The following LACTB variants were observed in gnomAD, a reference collection of about 807,000 sequenced individuals.
LACTB encodes the protein lactamase beta.
Under a neutral mutation model 50.2 loss-of-function variants are expected in LACTB, and 35 were observed. The ratio of observed to expected loss-of-function variants is 0.70; its 90% CI spans 0.53 to 0.92. LACTB has a LOEUF of 0.92. LACTB is among the 40% of genes least tolerant of loss of function. The pLI, the probability that LACTB is intolerant of heterozygous loss-of-function variation, is 0.00. For missense variants in LACTB, 664 were observed against 691.8 expected, an observed-to-expected ratio of 0.96 and a Z score of 0.45; for synonymous variants, 252 against 268.2, an observed-to-expected ratio of 0.94 and a Z score of 0.59.
intron 5 of LACTB, among the ~76,000 whole-genome samples, chr15:63,139,979 C>A (rs1316088280): frequency 6.6e-6 from 1 of 151,414 alleles, no homozygotes; most frequent in South Asian, 2.1e-4. Context: ...TGGTGGTACA[C>A]ACCTGTGGTC....
In LACTB at chr15:63,122,016, G is replaced by T; in HGVS notation, c.145G>T (p.Gly49Trp). The change falls in exon 1 of 6, where the codon GGG (glycine) becomes TGG (tryptophan). Residue 49 changes from glycine to tryptophan, a missense_variant. Transcript: ENST00000261893. ...GGTCGGGGGCCTCGGGCTGGGGCTG[G>T]GGCTGGCGCTCGGGGTGAAGCTGGC... is the stretch of plus-strand genomic sequence containing the variant. ...GWVGGLGLGL[G>W]LALGVKLAGG... The T allele has an allele frequency of 7.2e-7, 1 of 1,397,490 alleles. No homozygotes were observed. The highest frequency in any genetic ancestry group is 9.2e-7 in the Non-Finnish European group (1 of 1,085,124). 86.6% of individuals were successfully genotyped at this position (1,397,490 alleles called of 1,614,324 possible). A position where few individuals can be genotyped will look rare whatever the true frequency, so the allele number is the denominator to read the frequency against.
intron 4 of LACTB, 155 bp from the exon 5 acceptor site, chr15:63,129,330 A>G (rs574200404): frequency 8.8e-6 from 5 of 565,844 alleles, no homozygotes; most frequent in African/African-American, 1.9e-5. Flanking sequence ...AGTTAACTCA[A>G]TTTGTTGATG....
intron 5 of LACTB, among the ~76,000 whole-genome samples, chr15:63,132,604 G>C (rs1160568443): frequency 6.6e-6 from 1 of 152,062 alleles, no homozygotes; most frequent in African/African-American, 2.4e-5. Context: ...GATTGTCTGA[G>C]CTCAGGAGAT....
chr15:63,121,996 G>T lies in LACTB; in HGVS notation c.125G>T (p.Gly42Val). 1 of 1,369,102 alleles carries T rather than the reference G, an allele frequency of 7.3e-7. No individual in the cohort carries two copies. Among genetic ancestry groups the T allele is most frequent in the Non-Finnish European group, 9.3e-7 (1 of 1,069,626 alleles). The allele number at this position is 1,369,102 out of a possible 1,614,324, so 84.8% of individuals were successfully genotyped here. The change falls in exon 1 of 6, where the codon GGG (glycine) becomes GTG (valine). Residue 42 changes from glycine (G) to valine (V), a missense_variant. By Grantham distance (109) the Gly-to-Val change is moderately radical. Coordinates refer to ENST00000261893, the MANE Select transcript of LACTB (RefSeq NM_032857.5). The stretch of plus-strand genomic sequence containing the variant: ...CCGCCTCTCGGCCACGGCTGGGTCG[G>T]GGGCCTCGGGCTGGGGCTGGGGCTG... ...GLPPLGHGWVGGLGLGLGLAL... is the reference protein window; with the variant it reads ...GLPPLGHGWVVGLGLGLGLAL...
intron 1 of LACTB, 179 bp from the exon 2 acceptor site, chr15:63,122,457 G>A (rs1322119308): frequency 1.0e-5 from 7 of 701,894 alleles, no homozygotes; most frequent in Non-Finnish European, 1.7e-5. Context: ...CCCCTAGGGG[G>A]CGGACAGGCA....
At chr15:63,122,313 G>C in intron 1 of LACTB, 85 bp downstream of exon 1, 1 of 1,169,676 alleles carries the variant, frequency 8.5e-7, no homozygotes, top group Non-Finnish European at 1.2e-6. Flanking sequence ...GACCCCACCC[G>C]GGGCGGCGGG....
intron 2 of LACTB, chr15:63,126,016 T>C (rs1157364133): frequency 6.6e-6 from 1 of 152,134 alleles, no homozygotes; most frequent in Non-Finnish European, 1.5e-5. Context: ...TTACGCACTT[T>C]CAGCCTGTGA....
rs1211288563 is a variant in LACTB, at chr15:63,122,679, A to T, written c.401A>T (p.Asp134Val). Residue 134 changes from aspartate (D) to valine (V), a missense_variant, in exon 2 of 6, where the codon GAT (aspartate) becomes GTT (valine). Asp to Val is a radical substitution (Grantham distance 152). Coordinates refer to ENST00000261893, the MANE Select transcript of LACTB (RefSeq NM_032857.5). ...APGIVVGVSV[D>V]GKEVWSEGLG... is the part of the protein sequence containing the mutation. ...GGCATAGTGGTTGGAGTTTCTGTAG[A>T]TGGAAAAGAAGTCTGGTCAGAAGGT... The T allele has an allele frequency of 8.7e-6, 14 of 1,613,716 alleles. No homozygotes were observed. The South Asian group carries it at 1.5e-4, about 18-fold the overall frequency.
intron 1 of LACTB, 98 bp from the exon 2 acceptor site, chr15:63,122,538 C>G (rs925106547): frequency 3.6e-5 from 35 of 981,688 alleles, no homozygotes; most frequent in Non-Finnish European, 5.1e-5. Flanking sequence ...GGGGGCGGGG[C>G]CCAGGCTCAG....
At position 63,141,842 on chromosome 15, in the gene LACTB, G is replaced by C. The variant is rs1242146454; in HGVS notation, c.*37G>C. ...CCATAGGTGCAAAATGAGTTGTTCT[G>C]AGGTTTTTTTGAAACATTAAAGTTC... On this transcript the variant is annotated 3_prime_UTR_variant, in exon 6 of 6. Coordinates refer to ENST00000261893, the MANE Select transcript of LACTB (RefSeq NM_032857.5). 5 of 1,543,108 alleles carry C rather than the reference G, an allele frequency of 3.2e-6. 1 individual carries two copies. In the South Asian group the frequency reaches 6.0e-5, roughly 19 times the overall value.
In LACTB at chr15:63,141,616, T is replaced by G; in HGVS notation, c.1455T>G (p.His485Gln). ...GAAAGCAACGGCATTATGCTTCACA[T>G]ACTGGAGGGGCAGTGGGTGCCAGTA... is the stretch of plus-strand genomic sequence containing the variant. Reference protein sequence around the residue: ...SCRKQRHYASHTGGAVGASSV... With the variant: ...SCRKQRHYASQTGGAVGASSV... Residue 485 changes from histidine to glutamine, a missense_variant, in exon 6 of 6, where the codon CAT becomes CAG. Physicochemically the swap from His to Gln is conservative, Grantham distance 24. Coordinates refer to ENST00000261893, the MANE Select transcript of LACTB (RefSeq NM_032857.5). 6.2e-7 allele frequency: 1 copy of G among 1,614,198 alleles called. No individual in the cohort carries two copies. The highest frequency in any genetic ancestry group is 8.5e-7 in the Non-Finnish European group (1 of 1,180,026).
intron 5 of LACTB, chr15:63,140,873 T>G: frequency 6.3e-6 from 2 of 316,826 alleles, no homozygotes; most frequent in Non-Finnish European, 9.1e-6. Flanking sequence ...CAGTTTTGGT[T>G]ATAAAATTCA....
At chr15:63,140,338 T>G (rs566153078) in intron 5 of LACTB, among the ~76,000 whole-genome samples, 2 of 152,292 alleles carry the variant, frequency 1.3e-5, no homozygotes, top group African/African-American at 4.8e-5. Flanking sequence ...TGTGAGAGTT[T>G]AGGGCAAGAA....
At chr15:63,124,999 G>A (rs955817982) in intron 2 of LACTB, among the ~76,000 whole-genome samples, 2 of 151,600 alleles carry the variant, frequency 1.3e-5, no homozygotes, top group Non-Finnish European at 2.9e-5. Flanking sequence ...AAGGCAGTAA[G>A]TTGATGGGCG....
At chr15:63,134,812 A>ATGTGTGTGTGTGTG (rs59941185) in intron 5 of LACTB, among the ~76,000 whole-genome samples, 21 of 148,612 alleles carry the variant, frequency 1.4e-4, no homozygotes, top group African/African-American at 4.7e-4. Context: ...TGTGTGTGTG[A>ATGTGTGTGTGTGTG]TGTGTGTGTG....
At chr15:63,126,632 G>C (rs944565980) in intron 2 of LACTB, among the ~76,000 whole-genome samples, 6 of 152,168 alleles carry the variant, frequency 3.9e-5, no homozygotes, top group Non-Finnish European at 8.8e-5. Context: ...AATTGCTATT[G>C]CAAACAGGGT....
chr15:63,125,822 G>C (rs2037046302), intron 2 of LACTB: 1 of 151,174 alleles, frequency 6.6e-6, no homozygotes, highest in Non-Finnish European at 1.5e-5. Context: ...TGAGACTACA[G>C]GTGCACTCCA....
intron 5 of LACTB, among the ~76,000 whole-genome samples, chr15:63,139,194 C>CAAAAAAAAAA (rs57605763): frequency 1.2e-4 from 2 of 17,104 alleles, no homozygotes; most frequent in Non-Finnish European, 3.3e-4. Context: ...ACTAAAAATC[C>CAAAAAAAAAA]AAAAAAAAAA....
intron 5 of LACTB, among the ~76,000 whole-genome samples, chr15:63,137,035 C>A (rs915053738): frequency 1.3e-5 from 2 of 152,146 alleles, no homozygotes; most frequent in Non-Finnish European, 2.9e-5. Context: ...CACTTAAATT[C>A]TTTTGCTCAG....
Sources: allele counts gnomAD v4.1 joint callset (sites outside exome capture counted in the v4.1 genomes callset), GRCh38; gene constraint gnomAD v4.1.1; transcripts MANE v1.5; gene names NCBI Gene and HGNC (gene_info 2026-07-23, HGNC 2026-07-21).